The following POTEF variants were observed in gnomAD, a reference collection of about 807,000 sequenced individuals.
POTEF encodes POTE ankyrin domain family member F, also known as ANKRD26-like family C member 1B.
A neutral mutation model predicts 83.2 loss-of-function variants in POTEF; 20 were observed. That is an observed-to-expected ratio of 0.24 (90% CI 0.17 to 0.35). POTEF has a LOEUF of 0.35. Ranked by LOEUF, POTEF falls within the 10% of genes least tolerant of loss-of-function variation. POTEF has a pLI of 1.00. For missense variants in POTEF, 550 were observed against 1,203.2 expected (o/e 0.46, Z 8.03); for synonymous variants, 196 against 446.4 (o/e 0.44, Z 7.07).
At chr2:130,107,402 T>A (rs550928177) in intron 8 of POTEF, among the ~76,000 whole-genome samples, 4 of 151,082 alleles carry the variant, frequency 2.6e-5, no homozygotes, top group Non-Finnish European at 4.4e-5. Context: ...TCTTTTGTGA[T>A]CAAAAATTCC....
Position 130,105,387 on chromosome 2 carries a change from A to G in POTEF, c.1126+2622T>C, listed in dbSNP as rs534821513. ...TAAGGACGGGTGAAAACCTTGTAATACATTGATGCTACTCCAAGGATGTAT... is the reference window on the plus strand; with the variant it reads ...TAAGGACGGGTGAAAACCTTGTAATGCATTGATGCTACTCCAAGGATGTAT... On this transcript the variant is annotated intron_variant, in intron 8 of 16. Coordinates refer to ENST00000409914, the MANE Select transcript of POTEF (RefSeq NM_001099771.2). 7.2e-5 allele frequency among the ~76,000 whole-genome samples: 11 copies of G among 151,728 alleles called. 1 individual carries two copies. In the South Asian group the frequency reaches 2.1e-3, roughly 29 times the overall value.
intron 11 of POTEF, among the ~76,000 whole-genome samples, chr2:130,098,959 A>G (rs1334027877): frequency 1.4e-5 from 1 of 73,534 alleles, no homozygotes; most frequent in African/African-American, 7.4e-5. Flanking sequence ...TCCTAAGCAA[A>G]CTAATGCAGG....
At chr2:130,127,378 CCCT>C (rs1478568713) in intron 2 of POTEF, among the ~76,000 whole-genome samples, 1 of 146,278 alleles carries the variant, frequency 6.8e-6, no homozygotes, top group Non-Finnish European at 1.5e-5. Flanking sequence ...CACAGTCACC[CCCT>C]AAATTTTGTT....
intron 8 of POTEF, among the ~76,000 whole-genome samples, chr2:130,104,037 A>C (rs1684446039): frequency 6.8e-6 from 1 of 146,994 alleles, no homozygotes; most frequent in Non-Finnish European, 1.5e-5. Flanking sequence ...ATTTAGATAT[A>C]GATCACTTTA....
intron 1 of POTEF, among the ~76,000 whole-genome samples, chr2:130,128,684 G>A (rs1342028900): frequency 6.6e-6 from 1 of 151,926 alleles, no homozygotes; most frequent in Non-Finnish European, 1.5e-5. Context: ...CGCAGCTCCT[G>A]ATAGCGCACC....
chr2:130,128,632 G>A (rs1236932050), intron 1 of POTEF, among the ~76,000 whole-genome samples: 1 of 150,454 alleles, frequency 6.6e-6, no homozygotes, highest in Non-Finnish European at 1.5e-5. Context: ...TGCTGCACAA[G>A]ACAATGCCTC....
In POTEF at chr2:130,075,507, A is replaced by G. The variant is rs1485944384; in HGVS notation, c.1965T>C (p.Ile655=). 1 of 1,611,222 alleles carries G rather than the reference A, an allele frequency of 6.2e-7. No homozygotes were observed. The highest frequency in any genetic ancestry group is 1.7e-5 in the Admixed American group (1 of 59,926). The change falls in exon 17 of 17, where the codon ATT becomes ATC. Residue 655 remains isoleucine, a synonymous_variant. Transcript: ENST00000409914. The part of the protein sequence containing the change: ...LHENSTLREE[I]AMLRLELDTM... Reference sequence around the variant, plus strand: ...TGTCTAGCTCCAGTCTTAGCATGGCAATTTCTTCCCGCAACGTACTATTTT... The same window carrying G: ...TGTCTAGCTCCAGTCTTAGCATGGCGATTTCTTCCCGCAACGTACTATTTT...
At chr2:130,119,668 T>C (rs1408457172) in intron 3 of POTEF, among the ~76,000 whole-genome samples, 1 of 151,636 alleles carries the variant, frequency 6.6e-6, no homozygotes, top group African/African-American at 2.4e-5. Context: ...AATATACACT[T>C]TTCTATAATG....
chr2:130,115,593 C>T (rs375962852), intron 3 of POTEF, among the ~76,000 whole-genome samples: 2 of 151,906 alleles, frequency 1.3e-5, no homozygotes, highest in Non-Finnish European at 2.9e-5. Flanking sequence ...TCTGTCACTT[C>T]CTGGCTGTTG....
At chr2:130,096,663 C>T (rs1482176396) in intron 11 of POTEF, among the ~76,000 whole-genome samples, 30 of 152,194 alleles carry the variant, frequency 2.0e-4, no homozygotes, top group Admixed American at 2.6e-4. Flanking sequence ...CATGAGGGGC[C>T]GGGTGCAGTG....
Position 130,120,308 on chromosome 2 carries a change from G to C in POTEF, c.208C>G (p.Pro70Ala). The change falls in exon 3 of 17, where the codon CCC (proline) becomes GCC (alanine). Residue 70 changes from proline to alanine, a missense_variant. By Grantham distance (27) the Pro-to-Ala change is conservative. Coordinates refer to ENST00000409914, the MANE Select transcript of POTEF (RefSeq NM_001099771.2). ...CTCTTGCCACTCCCCCTGCAGCAGG[G>C]GAAGCAGTGGCGGCACCACTTGCCC... Reference protein sequence around the residue: ...KMGKWCRHCFPCCRGSGKSNV... With the variant: ...KMGKWCRHCFACCRGSGKSNV... 5.0e-6 allele frequency: 8 copies of C among 1,606,230 alleles called. No individual in the cohort carries two copies. Among genetic ancestry groups the C allele is most frequent in the Non-Finnish European group, 6.8e-6 (8 of 1,179,160 alleles).
In POTEF at chr2:130,074,125, TA is replaced by T; in HGVS notation, c.*118del. On this transcript the variant is annotated 3_prime_UTR_variant, in exon 17 of 17. Coordinates refer to ENST00000409914, the MANE Select transcript of POTEF (RefSeq NM_001099771.2). ...GTTTTTAAATCCTGAGTCAAGCCAA[TA>T]AAAAACAAAACAAAAAATGAAACAA... 1.6e-6 allele frequency: 2 copies of T among 1,287,922 alleles called. No individual in the cohort carries two copies. The highest frequency in any genetic ancestry group is 3.0e-5 in the African/African-American group (2 of 65,836). 79.8% of individuals were successfully genotyped at this position (1,287,922 alleles called of 1,614,324 possible).
chr2:130,100,786 C>A lies in POTEF; in HGVS notation c.1198-66G>T, dbSNP rs190783368. 7.0e-6 allele frequency: 11 copies of A among 1,563,198 alleles called. 1 individual carries two copies. In the African/African-American group the frequency reaches 7.2e-5, roughly 10 times the overall value. On this transcript the variant is annotated intron_variant, in intron 9 of 16. Transcript: ENST00000409914. Reference sequence around the variant, plus strand: ...TTCTGTGATGTGTCCTCTTTTGGAGCGCATGTTTTAAAAAAATTTTATTCT... The same window carrying A: ...TTCTGTGATGTGTCCTCTTTTGGAGAGCATGTTTTAAAAAAATTTTATTCT...
intron 16 of POTEF, among the ~76,000 whole-genome samples, chr2:130,076,094 A>C (rs1683796151): frequency 4.2e-5 from 4 of 94,420 alleles, no homozygotes; most frequent in Admixed American, 2.7e-4. Context: ...CCGATATTCT[A>C]CATTTCTAAT....
chr2:130,080,413 C>A (rs1683919189), intron 15 of POTEF, among the ~76,000 whole-genome samples: 1 of 67,566 alleles, frequency 1.5e-5, no homozygotes, highest in Non-Finnish European at 2.7e-5. Context: ...TTTAAAAACA[C>A]AGAATATGAC....
intron 7 of POTEF, chr2:130,109,340 T>C (rs1409384758): frequency 9.1e-5 from 13 of 142,288 alleles, no homozygotes; most frequent in Non-Finnish European, 1.1e-4. Flanking sequence ...TGATTAGTGA[T>C]GCGTCATGGA....
rs1383493731 is a variant in POTEF at position 130,100,803 on chromosome 2, T to A, written c.1198-83A>T. The A allele has an allele frequency of 2.0e-5, 31 of 1,544,364 alleles. 2 individuals carry two copies. The highest frequency in any genetic ancestry group is 1.9e-4 in the African/African-American group (13 of 68,704). On this transcript the variant is annotated intron_variant, in intron 9 of 16. Coordinates refer to ENST00000409914, the MANE Select transcript of POTEF (RefSeq NM_001099771.2). Reference sequence around the variant, plus strand: ...TTTTGGAGCGCATGTTTTAAAAAAATTTTATTCTTAACTAATCAAGTATGG... The same window carrying A: ...TTTTGGAGCGCATGTTTTAAAAAAAATTTATTCTTAACTAATCAAGTATGG...
chr2:130,122,628 T>C (rs1685022857), intron 2 of POTEF, among the ~76,000 whole-genome samples: 1 of 151,266 alleles, frequency 6.6e-6, no homozygotes, highest in Admixed American at 6.6e-5. Context: ...ATGCTTTGAG[T>C]AGCATTGAAA....
chr2:130,126,258 G>A (rs1450888484), intron 2 of POTEF, among the ~76,000 whole-genome samples: 48 of 125,204 alleles, frequency 3.8e-4, no homozygotes, highest in African/African-American at 9.9e-4. Flanking sequence ...AGCCGAGATC[G>A]CCCCATTGCA....
Sources: allele counts gnomAD v4.1 joint callset (sites outside exome capture counted in the v4.1 genomes callset), GRCh38; gene constraint gnomAD v4.1.1; transcripts MANE v1.5; gene names NCBI Gene and HGNC (gene_info 2026-07-23, HGNC 2026-07-21).